KCND2: variants seen among roughly 807,000 people sequenced by gnomAD.
The protein encoded by KCND2 is A-type voltage-gated potassium channel KCND2.
A neutral mutation model predicts 54.4 loss-of-function variants in KCND2; 16 were observed. The ratio of observed to expected loss-of-function variants is 0.29; its 90% CI spans 0.20 to 0.45. The LOEUF (loss-of-function observed/expected upper bound fraction) is 0.45, where lower values mean the gene tolerates loss of function less well. Ranked by LOEUF, KCND2 falls within the 20% of genes least tolerant of loss-of-function variation. The pLI, the probability that KCND2 is intolerant of heterozygous loss-of-function variation, is 1.00. For missense variants in KCND2, 486 were observed against 824.2 expected (o/e 0.59, Z 5.02); for synonymous variants, 317 against 310.7 (o/e 1.02, Z -0.21).
chr7:120,351,408 ACACACTCT>A (rs1303326154), intron 1 of KCND2, among the ~76,000 whole-genome samples: 7 of 90,240 alleles, frequency 7.8e-5, no homozygotes, highest in African/African-American at 2.7e-4. Flanking sequence ...ACACACACAC[ACACACTCT>A]CTCTCTCTCT....
chr7:120,339,726 A>G (rs1800213283), intron 1 of KCND2, among the ~76,000 whole-genome samples: 1 of 152,258 alleles, frequency 6.6e-6, no homozygotes, highest in East Asian at 1.9e-4. Context: ...TTATTGAGAT[A>G]GTAGAGAGTG....
At chr7:120,296,634 G>A (rs907700581) in intron 1 of KCND2, among the ~76,000 whole-genome samples, 2 of 151,944 alleles carry the variant, frequency 1.3e-5, no homozygotes, top group African/African-American at 4.8e-5. Context: ...TTCTCTGAGT[G>A]GTACTCATTA....
At chr7:120,479,451 T>TA (rs2116276614) in intron 1 of KCND2, among the ~76,000 whole-genome samples, 1 of 152,032 alleles carries the variant, frequency 6.6e-6, no homozygotes, top group East Asian at 1.9e-4. Flanking sequence ...AGGTGAAAAT[T>TA]ATACCAAATG....
intron 1 of KCND2, among the ~76,000 whole-genome samples, chr7:120,383,830 C>T (rs888503950): frequency 6.6e-6 from 1 of 152,068 alleles, no homozygotes; most frequent in Admixed American, 6.6e-5. Context: ...AAATATACTT[C>T]ACAGTGCACC....
At chr7:120,700,703 G>A (rs1171914136) in intron 1 of KCND2, among the ~76,000 whole-genome samples, 1 of 152,108 alleles carries the variant, frequency 6.6e-6, no homozygotes, top group Non-Finnish European at 1.5e-5. Flanking sequence ...AATTCTTTCA[G>A]TTCTCTAGGT....
At position 120,665,882 on chromosome 7, in the gene KCND2, T is replaced by C. The variant is rs563481793; in HGVS notation, c.1116-67021T>C. On this transcript the variant is annotated intron_variant, in intron 1 of 5. Coordinates refer to ENST00000331113, the MANE Select transcript of KCND2 (RefSeq NM_012281.3). The stretch of plus-strand genomic sequence containing the variant: ...ACCCAATCAGGTATAAATCTGCAGA[T>C]GCTCCATTAGTAATTAGAGATAATA... Among the ~76,000 whole-genome samples, 35 of 152,204 alleles carry C rather than the reference T, an allele frequency of 2.3e-4. No individual in the cohort carries two copies. In the South Asian group the frequency reaches 6.8e-3, roughly 30 times the overall value.
intron 1 of KCND2, among the ~76,000 whole-genome samples, chr7:120,443,140 G>T (rs1356163921): frequency 1.3e-5 from 2 of 151,954 alleles, no homozygotes; most frequent in Non-Finnish European, 2.9e-5. Flanking sequence ...CACTAATCAG[G>T]ATGAGCTGTG....
chr7:120,287,750 A>G (rs1489243515), intron 1 of KCND2, among the ~76,000 whole-genome samples: 5 of 152,068 alleles, frequency 3.3e-5, no homozygotes, highest in Non-Finnish European at 7.4e-5. Flanking sequence ...AGGCTGAAGT[A>G]GGAGAATCAC....
intron 1 of KCND2, among the ~76,000 whole-genome samples, chr7:120,383,547 T>C (rs1800942000): frequency 6.6e-6 from 1 of 150,806 alleles, no homozygotes; most frequent in African/African-American, 2.4e-5. Context: ...TAGTCAAAAG[T>C]CACCAACTTG....
intron 1 of KCND2, among the ~76,000 whole-genome samples, chr7:120,613,247 T>C (rs992802049): frequency 6.6e-6 from 1 of 152,012 alleles, no homozygotes; most frequent in Non-Finnish European, 1.5e-5. Flanking sequence ...AAGAGGGTTG[T>C]GGCCAGGCAT....
At chr7:120,335,191 C>T (rs955789938) in intron 1 of KCND2, among the ~76,000 whole-genome samples, 9 of 151,582 alleles carry the variant, frequency 5.9e-5, no homozygotes, top group South Asian at 4.2e-4. Context: ...GGTGAAACCC[C>T]GTCTCTACTA....
At chr7:120,651,034 G>A (rs527689538) in intron 1 of KCND2, among the ~76,000 whole-genome samples, 1 of 143,292 alleles carries the variant, frequency 7.0e-6, no homozygotes, top group Non-Finnish European at 1.5e-5. Context: ...TACTTGGGGG[G>A]TGCCTCCCAG....
At chr7:120,344,591 A>G (rs945838931) in intron 1 of KCND2, among the ~76,000 whole-genome samples, 6 of 152,316 alleles carry the variant, frequency 3.9e-5, no homozygotes, top group African/African-American at 1.4e-4. Context: ...CATTAATCGT[A>G]CTAGATTACT....
chr7:120,550,317 A>G (rs1792090710), intron 1 of KCND2, among the ~76,000 whole-genome samples: 1 of 152,010 alleles, frequency 6.6e-6, no homozygotes, highest in African/African-American at 2.4e-5. Flanking sequence ...CAATGGGGGA[A>G]AAAAATGAGG....
At chr7:120,347,829 C>T (rs1044177671) in intron 1 of KCND2, among the ~76,000 whole-genome samples, 14 of 151,768 alleles carry the variant, frequency 9.2e-5, no homozygotes, top group South Asian at 2.1e-4. Flanking sequence ...AACAAAGAAC[C>T]GTAGACAGAG....
intron 1 of KCND2, among the ~76,000 whole-genome samples, chr7:120,608,972 G>C (rs1584852490): frequency 1.3e-5 from 2 of 152,180 alleles, no homozygotes; most frequent in East Asian, 3.9e-4. Flanking sequence ...GGTTTATGTG[G>C]CTCAGCTATC....
intron 1 of KCND2, among the ~76,000 whole-genome samples, chr7:120,616,986 A>G (rs1793033478): frequency 6.6e-6 from 1 of 152,218 alleles, no homozygotes; most frequent in African/African-American, 2.4e-5. Flanking sequence ...GGTCACAGTC[A>G]TTTACAAAAT....
At chr7:120,504,873 T>C (rs1049321915) in intron 1 of KCND2, among the ~76,000 whole-genome samples, 1 of 151,612 alleles carries the variant, frequency 6.6e-6, no homozygotes, top group Non-Finnish European at 1.5e-5. Context: ...CTCATGAATA[T>C]CGGTATACTC....
intron 1 of KCND2, among the ~76,000 whole-genome samples, chr7:120,672,252 A>T (rs1792001558): frequency 6.6e-6 from 1 of 152,074 alleles, no homozygotes; most frequent in African/African-American, 2.4e-5. Context: ...ATAAAGGAAA[A>T]GTTCACTCCA....
Sources: gnomAD v4.1 joint callset for allele counts (sites outside exome capture counted in the v4.1 genomes callset) on GRCh38, gnomAD v4.1.1 for gene constraint, MANE v1.5 for transcripts, NCBI Gene and HGNC (gene_info 2026-07-23, HGNC 2026-07-21) for gene names.